The following ACOT11 variants were observed in gnomAD, a reference collection of about 807,000 sequenced individuals.
ACOT11 encodes acyl-CoA thioesterase 11.
In ACOT11, 69 loss-of-function variants were observed where a neutral mutation model predicts 77.5. That is an observed-to-expected ratio of 0.89 (90% CI 0.73 to 1.09). The LOEUF (loss-of-function observed/expected upper bound fraction) is 1.09, where lower values mean the gene tolerates loss of function less well. ACOT11 is among the 50% of genes least tolerant of loss of function. The probability of loss-of-function intolerance (pLI) is 0.00; values close to 1 mark genes in which losing one functional copy is unlikely to be tolerated. For missense variants in ACOT11, 766 were observed against 813.7 expected, an observed-to-expected ratio of 0.94 and a Z score of 0.71; for synonymous variants, 279 against 313.0, an observed-to-expected ratio of 0.89 and a Z score of 1.15.
intron 15 of ACOT11, chr1:54,619,935 C>T (rs115445569): frequency 0.015 from 23,556 of 1,614,094 alleles, 232 homozygotes; most frequent in South Asian, 0.02. Flanking sequence ...GGCATCTCGC[C>T]GGCTGATCTG....
At chr1:54,577,133 T>TAAAAAA (rs1654143495) in intron 1 of ACOT11, among the ~76,000 whole-genome samples, 1 of 152,214 alleles carries the variant, frequency 6.6e-6, no homozygotes, top group South Asian at 2.1e-4. Context: ...TAAAAAAAAT[T>TAAAAAA]AATTATTGAA....
chr1:54,587,550 CTTTTTTTTTTTTTTTT>C (rs33913350), intron 3 of ACOT11, among the ~76,000 whole-genome samples: 2 of 73,542 alleles, frequency 2.7e-5, no homozygotes, highest in African/African-American at 5.9e-5. Flanking sequence ...GTTTGTAATC[CTTTTTTTTTTTTTTTT>C]TTTTTTTTTT....
intron 1 of ACOT11, among the ~76,000 whole-genome samples, chr1:54,550,508 C>T (rs1178291871): frequency 2.0e-5 from 3 of 152,158 alleles, no homozygotes; most frequent in East Asian, 3.8e-4. Context: ...GAAAAGCAAA[C>T]AAGCAAACAA....
intron 1 of ACOT11, among the ~76,000 whole-genome samples, chr1:54,553,478 TAA>T (rs567025871): frequency 6.9e-6 from 1 of 143,978 alleles, no homozygotes; most frequent in African/African-American, 2.5e-5. Context: ...AAAAAAACAT[TAA>T]AAAAAAAAAA....
At chr1:54,586,305 G>A (rs1654498006) in intron 3 of ACOT11, among the ~76,000 whole-genome samples, 1 of 71,146 alleles carries the variant, frequency 1.4e-5, no homozygotes, top group Admixed American at 1.3e-4. Context: ...TCATTGGGCT[G>A]TAGGGAGGCC....
intron 15 of ACOT11, among the ~76,000 whole-genome samples, chr1:54,630,298 G>GC (rs1160208571): frequency 6.6e-6 from 1 of 151,972 alleles, no homozygotes; most frequent in Non-Finnish European, 1.5e-5. Context: ...TTTGGAGCAA[G>GC]CCCCCCACAG....
Position 54,631,006 on chromosome 1 carries a change from G to C in ACOT11, c.1782+120G>C, listed in dbSNP as rs990169757. ...CGAGGAGGAACAACAGTATAGCGAA[G>C]TAACAGAAGAGGTTACAGAGCATGT... On this transcript the variant is annotated intron_variant, in intron 16 of 16. Coordinates refer to the ACOT11 transcript ENST00000371316. 3 of 478,630 alleles carry C rather than the reference G, an allele frequency of 6.3e-6. No homozygotes were observed. In the Admixed American group the frequency reaches 1.2e-4, roughly 19 times the overall value. 29.6% of individuals were successfully genotyped at this position (478,630 alleles called of 1,614,324 possible). A position where few individuals can be genotyped will look rare whatever the true frequency, so the allele number is the denominator to read the frequency against.
intron 1 of ACOT11, among the ~76,000 whole-genome samples, chr1:54,567,342 G>C (rs1324412267): frequency 6.7e-6 from 1 of 149,782 alleles, no homozygotes; most frequent in Non-Finnish European, 1.5e-5. Flanking sequence ...GCAATGGCGC[G>C]ATCTAGGCTC....
At chr1:54,601,616 G>C (rs1643965416) in intron 9 of ACOT11, among the ~76,000 whole-genome samples, 1 of 152,208 alleles carries the variant, frequency 6.6e-6, no homozygotes, top group Non-Finnish European at 1.5e-5. Flanking sequence ...CTGCCTGACA[G>C]AACTCGGAGT....
In ACOT11 at chr1:54,607,169, A is replaced by G; in HGVS notation, c.1406A>G (p.Asp469Gly). Residue 469 changes from aspartate to glycine, a missense_variant, in exon 14 of 16, where the codon GAC becomes GGC. Physicochemically the swap from Asp to Gly is moderately conservative, Grantham distance 94 (BLOSUM62 -1). Transcript: ENST00000343744. The surrounding 1 kb of genome is among the most constrained non-coding windows in gnomAD (Gnocchi z 4.5). ...VELVQQVDED[D>G]AIYHVTSPAL... ...CTAGTGCAGCAGGTAGACGAGGACG[A>G]CGCCATCTACCACGTCACCAGCCCT... 1 of 1,614,136 alleles carries G rather than the reference A, an allele frequency of 6.2e-7. No individual in the cohort carries two copies. The highest frequency in any genetic ancestry group is 8.5e-7 in the Non-Finnish European group (1 of 1,180,008).
intron 1 of ACOT11, among the ~76,000 whole-genome samples, chr1:54,570,951 G>A (rs1201961661): frequency 6.6e-6 from 1 of 152,170 alleles, no homozygotes; most frequent in African/African-American, 2.4e-5. Flanking sequence ...CCAAAGTGCT[G>A]GGATTACAGG....
At chr1:54,582,712 G>A (rs35617436) in intron 1 of ACOT11, among the ~76,000 whole-genome samples, 6,705 of 152,222 alleles carry the variant, frequency 0.044, 277 homozygotes, top group East Asian at 0.18. Flanking sequence ...CCTCGTGAGG[G>A]CTCAGAGAAG....
chr1:54,607,912 C>T lies in ACOT11; in HGVS notation c.1503-30C>T. The T allele has an allele frequency of 6.2e-7, 1 of 1,613,230 alleles. No individual in the cohort carries two copies. Among genetic ancestry groups the T allele is most frequent in the Non-Finnish European group, 8.5e-7 (1 of 1,179,576 alleles). ...CCCCACTTTCTTCTGTGGCTGACCC[C>T]TGTCCCCTTGCTACCCTTCCTTCAC... is the stretch of plus-strand genomic sequence containing the variant. On this transcript the variant is annotated intron_variant, in intron 14 of 15. Coordinates refer to ENST00000343744, the MANE Select transcript of ACOT11 (RefSeq NM_147161.4). This position sits in a 1 kb window ranked among gnomAD's most constrained non-coding sequence, Gnocchi z 4.5.
In ACOT11 at chr1:54,577,592, A is replaced by G. The variant is rs1033415661; in HGVS notation, c.34-7063A>G. The stretch of plus-strand genomic sequence containing the variant: ...ATTAATGGATATTTGAGCTGTTTCT[A>G]CCTTTTGCTTGCTGTGAATAGTGCT... On this transcript the variant is annotated intron_variant, in intron 1 of 15. Transcript: ENST00000343744. 2.0e-5 allele frequency among the ~76,000 whole-genome samples: 3 copies of G among 152,066 alleles called. No homozygotes were observed. The East Asian group carries it at 5.8e-4, about 29-fold the overall frequency.
exon 17 of ACOT11, chr1:54,638,288 C>T (rs925749307): frequency 1.3e-5 from 2 of 152,174 alleles, no homozygotes; most frequent in Non-Finnish European, 2.9e-5. Context: ...ACGCTAGGCT[C>T]CTACATACAG....
At chr1:54,562,437 CGGGGGGCTG>C (rs1653551702) in intron 1 of ACOT11, among the ~76,000 whole-genome samples, 1 of 78,348 alleles carries the variant, frequency 1.3e-5, no homozygotes, top group Non-Finnish European at 2.4e-5. Context: ...GCTGGCCGGG[CGGGGGGCTG>C]ATCCCCCCAC....
Position 54,609,061 on chromosome 1 carries a change from GT to G in ACOT11, c.1737del (p.Leu580SerfsTer58), listed in dbSNP as rs773943031. 8 of 1,614,152 alleles carry G rather than the reference GT, an allele frequency of 5.0e-6. No individual in the cohort carries two copies. The Admixed American group carries it at 1.3e-4, about 27-fold the overall frequency. ...ACACCACCTTCAAGGCTTGTGAGCAGTTTCTCTTGGACAACCGGAATGATCT... is the reference window on the plus strand; with the variant it reads ...ACACCACCTTCAAGGCTTGTGAGCAGTTCTCTTGGACAACCGGAATGATCT... Reference protein sequence around the residue: ...FYTTFKACEQFLLDNRNDLAP... With the variant: ...FYTTFKACEQXLLDNRNDLAP... On this transcript the variant is annotated frameshift_variant, in exon 16 of 16. Coordinates refer to ENST00000343744, the MANE Select transcript of ACOT11 (RefSeq NM_147161.4). LOFTEE classifies it high-confidence loss of function.
intron 7 of ACOT11, chr1:54,597,639 A>G: frequency 1.7e-6 from 1 of 592,650 alleles, no homozygotes; most frequent in East Asian, 2.9e-5. Context: ...TTGGCCTGGC[A>G]CTAGATCCTC....
chr1:54,595,117 C>T (rs986213619), intron 6 of ACOT11, among the ~76,000 whole-genome samples: 7 of 152,086 alleles, frequency 4.6e-5, no homozygotes, highest in Non-Finnish European at 8.8e-5. Context: ...GAGGCCGAGG[C>T]GGGTGGATCA....
Sources: gnomAD v4.1 joint callset for allele counts (sites outside exome capture counted in the v4.1 genomes callset) on GRCh38, gnomAD v4.1.1 for gene constraint, Gnocchi (gnomAD v3.1) non-coding constraint, MANE v1.5 for transcripts, NCBI Gene and HGNC (gene_info 2026-07-23, HGNC 2026-07-21) for gene names.